The following DPP10 variants were observed in gnomAD, a reference collection of about 807,000 sequenced individuals.
DPP10 encodes the protein inactive dipeptidyl peptidase 10.
In DPP10, 33 loss-of-function variants were observed where a neutral mutation model predicts 120.9. The observed-to-expected ratio is 0.27, with a 90% confidence interval of 0.21 to 0.37. The LOEUF (loss-of-function observed/expected upper bound fraction) is 0.37. DPP10 is among the 10% of genes least tolerant of loss of function. DPP10 has a pLI of 1.00. For missense variants in DPP10, 816 were observed against 942.8 expected (o/e 0.87, Z 1.76); for synonymous variants, 337 against 326.1 (o/e 1.03, Z -0.36).
rs1250774596 is a variant in DPP10 at position 114,739,665 on chromosome 2, A to AC, written c.60+296827_60+296828insC. Among the ~76,000 whole-genome samples the AC allele has an allele frequency of 2.0e-5, 3 of 151,950 alleles. No individual in the cohort carries two copies. In the East Asian group the frequency reaches 5.8e-4, roughly 29 times the overall value. On this transcript the variant is annotated intron_variant, in intron 1 of 25. Transcript: ENST00000410059. ...CAGAGCAAGACTCCATCACACACACAAAAAAAAGAGAGAAAGATATCTGTC... is the reference window on the plus strand; with the variant it reads ...CAGAGCAAGACTCCATCACACACACACAAAAAAAGAGAGAAAGATATCTGTC...
chr2:114,909,299 C>T (rs1694195115), intron 1 of DPP10, among the ~76,000 whole-genome samples: 1 of 151,946 alleles, frequency 6.6e-6, no homozygotes, highest in South Asian at 2.1e-4. Flanking sequence ...ATGGACTACT[C>T]CTGATGGTAC....
chr2:114,996,457 T>C (rs1199213138), intron 1 of DPP10, among the ~76,000 whole-genome samples: 2 of 152,232 alleles, frequency 1.3e-5, no homozygotes, highest in African/African-American at 4.8e-5. Context: ...TCTTCTTTTT[T>C]GACTTGTTAC....
At chr2:114,521,381 G>T (rs1417504891) in intron 1 of DPP10, among the ~76,000 whole-genome samples, 1 of 151,446 alleles carries the variant, frequency 6.6e-6, no homozygotes, top group Non-Finnish European at 1.5e-5. Context: ...GAACCTAAAG[G>T]ATTAAGAAAG....
chr2:115,297,803 G>A (rs968248467), intron 1 of DPP10, among the ~76,000 whole-genome samples: 3 of 152,052 alleles, frequency 2.0e-5, no homozygotes, highest in South Asian at 2.1e-4. Context: ...CTCATCCCCT[G>A]AAATCAAGCT....
At chr2:115,406,151 T>C (rs1574737332) in intron 3 of DPP10, among the ~76,000 whole-genome samples, 2 of 152,214 alleles carry the variant, frequency 1.3e-5, no homozygotes, top group East Asian at 3.8e-4. Flanking sequence ...GCCTGAACAT[T>C]TGCTGCTTAG....
At chr2:114,738,732 T>G (rs1164308001) in intron 1 of DPP10, among the ~76,000 whole-genome samples, 1 of 152,128 alleles carries the variant, frequency 6.6e-6, no homozygotes, top group Non-Finnish European at 1.5e-5. Flanking sequence ...AATAGTAACT[T>G]CCCACTGACC....
chr2:114,960,352 C>T (rs139383900), intron 1 of DPP10, among the ~76,000 whole-genome samples: 1,325 of 108,650 alleles, frequency 0.012, 24 homozygotes, highest in African/African-American at 0.044. Flanking sequence ...TCTGGTTGTA[C>T]AGAGTGTATG....
intron 1 of DPP10, among the ~76,000 whole-genome samples, chr2:114,896,253 T>A (rs1460654781): frequency 1.3e-5 from 2 of 152,178 alleles, no homozygotes; most frequent in Non-Finnish European, 2.9e-5. Context: ...TAAAGTAGTT[T>A]TTTCCAATTC....
At chr2:115,602,791 T>C (rs4375875) in intron 5 of DPP10, among the ~76,000 whole-genome samples, 1 of 152,144 alleles carries the variant, frequency 6.6e-6, no homozygotes, top group East Asian at 1.9e-4. Flanking sequence ...CATCATATTT[T>C]CTGGGGATTC....
intron 3 of DPP10, among the ~76,000 whole-genome samples, chr2:115,470,633 T>C (rs1049641765): frequency 6.6e-6 from 1 of 152,216 alleles, no homozygotes; most frequent in African/African-American, 2.4e-5. Flanking sequence ...TAACATTCCA[T>C]CACTGTTTGT....
chr2:114,902,494 T>C (rs1249216393), intron 1 of DPP10, among the ~76,000 whole-genome samples: 2 of 152,216 alleles, frequency 1.3e-5, no homozygotes, highest in African/African-American at 2.4e-5. Flanking sequence ...TAAGCCTTGA[T>C]GTCAAGTTAA....
At chr2:115,189,032 C>T (rs149936161) in intron 1 of DPP10, among the ~76,000 whole-genome samples, 161 of 152,226 alleles carry the variant, frequency 1.1e-3, no homozygotes, top group African/African-American at 3.7e-3. Context: ...CACATATGTA[C>T]AAATATACAG....
intron 1 of DPP10, among the ~76,000 whole-genome samples, chr2:115,270,961 AC>A (rs1456935895): frequency 6.6e-6 from 1 of 152,150 alleles, no homozygotes; most frequent in Non-Finnish European, 1.5e-5. Flanking sequence ...TTTGGAGAAA[AC>A]AACAACACTA....
chr2:115,791,050 A>G lies in DPP10; in HGVS notation c.1532-31A>G, dbSNP rs79128058. 4.1e-3 allele frequency: 6,212 copies of G among 1,502,812 alleles called. 200 individuals are homozygous for G. In the African/African-American group the frequency reaches 0.071, roughly 17 times the overall value. The allele number at this position is 1,502,812 out of a possible 1,614,324, so 93.1% of individuals were successfully genotyped here. A position where few individuals can be genotyped will look rare whatever the true frequency, so the allele number is the denominator to read the frequency against. On this transcript the variant is annotated intron_variant, in intron 17 of 25. Transcript: ENST00000410059. ...TGATTCTGTTTAATGCATAGGGGTT[A>G]GCTATTTACACTACCCTTTTTGGTT... is the stretch of plus-strand genomic sequence containing the variant.
chr2:115,236,337 T>C lies in DPP10; in HGVS notation c.61-72902T>C, dbSNP rs967004111. Among the ~76,000 whole-genome samples the C allele has an allele frequency of 3.3e-5, 5 of 152,344 alleles. No individual in the cohort carries two copies. In the East Asian group the frequency reaches 9.7e-4, roughly 29 times the overall value. On this transcript the variant is annotated intron_variant, in intron 1 of 25. Coordinates refer to ENST00000410059, the MANE Select transcript of DPP10 (RefSeq NM_020868.6). ...TCAGGCAAGCAAGTTAGTGTAGAGA[T>C]GCCTTTCATTGTTTAATGGTAGGTG...
intron 1 of DPP10, among the ~76,000 whole-genome samples, chr2:115,135,280 A>C (rs1167089202): frequency 6.6e-6 from 1 of 151,918 alleles, no homozygotes; most frequent in Non-Finnish European, 1.5e-5. Flanking sequence ...AGAACATAAT[A>C]GCTTTTCTAC....
intron 5 of DPP10, among the ~76,000 whole-genome samples, chr2:115,564,466 C>A (rs1023812579): frequency 6.6e-6 from 1 of 152,202 alleles, no homozygotes; most frequent in Admixed American, 6.5e-5. Context: ...CCAGAATTTT[C>A]TGCTTACTGA....
intron 1 of DPP10, among the ~76,000 whole-genome samples, chr2:114,867,489 T>G (rs536597909): frequency 6.6e-6 from 1 of 152,326 alleles, no homozygotes; most frequent in African/African-American, 2.4e-5. Context: ...TGTCATCCAA[T>G]TATGTCGCTA....
chr2:114,952,793 T>C (rs1446964539), intron 1 of DPP10, among the ~76,000 whole-genome samples: 3 of 147,530 alleles, frequency 2.0e-5, no homozygotes, highest in African/African-American at 7.5e-5. Flanking sequence ...TACACAGTAG[T>C]TGATGAGCAA....
Sources: allele counts gnomAD v4.1 joint callset (sites outside exome capture counted in the v4.1 genomes callset), GRCh38; gene constraint gnomAD v4.1.1; transcripts MANE v1.5; gene names NCBI Gene and HGNC (gene_info 2026-07-23, HGNC 2026-07-21).